The following UTP14A variants were observed in gnomAD, a reference collection of about 807,000 sequenced individuals.
UTP14A encodes the protein U3 small nucleolar RNA-associated protein 14 homolog A.
A neutral mutation model predicts 57.2 loss-of-function variants in UTP14A; 5 were observed. That is an observed-to-expected ratio of 0.09 (90% confidence interval 0.05 to 0.18). The LOEUF (loss-of-function observed/expected upper bound fraction) is 0.18. Among genes scored for constraint, UTP14A ranks in the 10% least tolerant of loss-of-function variants. The probability of loss-of-function intolerance (pLI) is 1.00; values close to 1 mark genes in which losing one functional copy is unlikely to be tolerated. For synonymous variants in UTP14A, 169 were observed against 210.9 expected, an observed-to-expected ratio of 0.80 and a Z score of 1.72; for missense variants, 430 against 562.1, an observed-to-expected ratio of 0.76 and a Z score of 2.38.
chrX:129,911,259 G>A (rs1425007492), intron 5 of UTP14A, 109 bp downstream of exon 5: 20 of 979,498 alleles, frequency 2.0e-5, no homozygotes, highest in Non-Finnish European at 2.6e-5. Context: ...AGGGGGAGTT[G>A]TGATTTCCCC....
intron 6 of UTP14A, among the ~76,000 whole-genome samples, chrX:129,917,503 G>A (rs1475184165): frequency 9.0e-6 from 1 of 111,460 alleles, no homozygotes; most frequent in Non-Finnish European, 1.9e-5. Context: ...GGCATGATCG[G>A]CCTGAATATT....
chrX:129,928,588 A>G (rs769746758), intron 14 of UTP14A, among the ~76,000 whole-genome samples: 165 of 107,420 alleles, frequency 1.5e-3, no homozygotes, highest in African/African-American at 5.2e-3. Flanking sequence ...CCCCGTCTCT[A>G]CTAAAAATAC....
intron 4 of UTP14A, 95 bp from the exon 5 acceptor site, chrX:129,910,913 C>T: frequency 9.4e-7 from 1 of 1,059,723 alleles, no homozygotes; most frequent in Non-Finnish European, 1.3e-6. Flanking sequence ...GCACATTTGC[C>T]ATCTACTGGC....
chrX:129,912,016 C>G, intron 6 of UTP14A, 95 bp downstream of exon 6: 1 of 1,058,392 alleles, frequency 9.4e-7, no homozygotes, highest in African/African-American at 1.9e-5. Flanking sequence ...AAGCTAAACC[C>G]CAGCATAAGT....
intron 8 of UTP14A, 58 bp from the exon 9 acceptor site, chrX:129,920,399 T>G: frequency 2.5e-6 from 3 of 1,209,066 alleles, no homozygotes; most frequent in South Asian, 3.5e-5. Flanking sequence ...TGGGCACTTG[T>G]GCCTATGACA....
At chrX:129,910,533 TAAA>T (rs974255744) in intron 4 of UTP14A, among the ~76,000 whole-genome samples, 5 of 110,647 alleles carry the variant, frequency 4.5e-5, no homozygotes, top group African/African-American at 1.3e-4. Flanking sequence ...AAAAAAAAAT[TAAA>T]AAAATTAACC....
chrX:129,908,179 T>C (rs1929326552), intron 3 of UTP14A, 49 bp downstream of exon 3: 2 of 1,049,038 alleles, frequency 1.9e-6, no homozygotes. Context: ...TTCCGTGAGA[T>C]TTCTCTGCAG....
chrX:129,926,005 G>A lies in UTP14A; in HGVS notation c.1836G>A (p.Lys612=). 1 of 1,211,723 alleles carries A rather than the reference G, an allele frequency of 8.3e-7. No individual in the cohort carries two copies. Among genetic ancestry groups the A allele is most frequent in the Non-Finnish European group, 1.1e-6 (1 of 895,419 alleles). ...DDVIRDFLKE[K]REAVEASKPK... is the part of the protein sequence containing the mutation. ...TCATCAGAGATTTCTTGAAAGAGAA[G>A]AGGGAAGCTGTGGAGGCGAGTAAGC... The change falls in exon 13 of 15, where the codon AAG becomes AAA. Residue 612 remains lysine (K), a synonymous_variant. Transcript: ENST00000394422.
At chrX:129,909,165 C>A (rs1274997226) in intron 4 of UTP14A, among the ~76,000 whole-genome samples, 1 of 107,559 alleles carries the variant, frequency 9.3e-6, no homozygotes, top group Non-Finnish European at 1.9e-5. Context: ...ATTTCTCAAC[C>A]TTTGCTTTTT....
At chrX:129,909,206 C>CTTTTTTTT (rs753147882) in intron 4 of UTP14A, among the ~76,000 whole-genome samples, 7 of 84,433 alleles carry the variant, frequency 8.3e-5, no homozygotes, top group African/African-American at 2.7e-4. Flanking sequence ...CCTTTCAAGC[C>CTTTTTTTT]TTTTTTTTTT....
In UTP14A at chrX:129,921,481, G is replaced by A. The variant is rs144349914; in HGVS notation, c.1242G>A (p.Val414=). The part of the protein sequence containing the change: ...VSESEGEERP[V]AEEEILLREF... ...AAAGTGAGGGAGAAGAAAGACCAGT[G>A]GCAGAAGAAGAAATTTTGTTGAGAG... Residue 414 remains valine, a synonymous_variant, in exon 11 of 15, where the codon GTG becomes GTA. Coordinates refer to ENST00000394422, the MANE Select transcript of UTP14A (RefSeq NM_006649.4). 150 of 1,209,796 alleles carry A rather than the reference G, an allele frequency of 1.2e-4. No homozygotes were observed. The highest frequency in any genetic ancestry group is 7.0e-4 in the Admixed American group (32 of 45,621).
Position 129,907,413 on chromosome X carries a change from G to C in UTP14A, c.73G>C (p.Asp25His). 1 of 1,210,025 alleles carries C rather than the reference G, an allele frequency of 8.3e-7. No homozygotes were observed. Among genetic ancestry groups the C allele is most frequent in the Non-Finnish European group, 1.1e-6 (1 of 895,097 alleles). Residue 25 changes from aspartate to histidine, a missense_variant, in exon 2 of 15, where the codon GAC becomes CAC. Coordinates refer to ENST00000394422, the MANE Select transcript of UTP14A (RefSeq NM_006649.4). ...QQEELADLPK[D>H]YLLSESEDEG... ...GGAAGAACTAGCGGATTTGCCAAAA[G>C]ACTACCTCTTGAGTGAGAGTGAAGA...
In UTP14A at chrX:129,908,706, G is replaced by A; in HGVS notation, c.210G>A (p.Lys70=). The A allele has an allele frequency of 8.3e-7, 1 of 1,211,508 alleles. No homozygotes were observed. The highest frequency in any genetic ancestry group is 1.1e-6 in the Non-Finnish European group (1 of 895,251). ...CTGAGAGGTCTGAGGCTAGTCTGAA[G>A]GTGTCAGAGTTCAATGTCAGTTCTG... ...KLAERSEASL[K]VSEFNVSSEG... is the part of the protein sequence containing the mutation. Residue 70 remains lysine, a synonymous_variant, in exon 4 of 15, where the codon AAG becomes AAA. Transcript: ENST00000394422.
intron 6 of UTP14A, chrX:129,913,285 GAA>G: frequency 3.3e-6 from 1 of 305,730 alleles, no homozygotes; most frequent in Admixed American, 3.9e-5. Context: ...TGTTTTTGCT[GAA>G]GTCACTACCA....
chrX:129,920,508 T>G lies in UTP14A; in HGVS notation c.804T>G (p.Phe268Leu). 4 of 1,212,171 alleles carry G rather than the reference T, an allele frequency of 3.3e-6. No individual in the cohort carries two copies. Among genetic ancestry groups the G allele is most frequent in the Non-Finnish European group, 4.5e-6 (4 of 895,651 alleles). ...AGGCCAAGAAAGCCCTAAAAGAGTT[T>G]GAGCAGCTGCGGAAGGTTAATCCAG... Reference protein sequence around the residue: ...KGKAKKALKEFEQLRKVNPAA... With the variant: ...KGKAKKALKELEQLRKVNPAA... Residue 268 changes from phenylalanine to leucine, a missense_variant, in exon 9 of 15, where the codon TTT becomes TTG. Around this residue, in one of 4 missense-constraint regions of UTP14A, gnomAD observed 83 missense variants for 140.4 expected, o/e 0.59. Coordinates refer to ENST00000394422, the MANE Select transcript of UTP14A (RefSeq NM_006649.4).
chrX:129,909,537 C>T (rs1405241190), intron 4 of UTP14A, among the ~76,000 whole-genome samples: 2 of 111,191 alleles, frequency 1.8e-5, no homozygotes, highest in African/African-American at 6.5e-5. Context: ...CATTGTATCC[C>T]TCCCCCTGTG....
chrX:129,919,275 G>A lies in UTP14A; in HGVS notation c.638G>A (p.Arg213Gln), dbSNP rs370007411. ...ACCCCTGTGGAAAAGGCCTCTCTCCGAGCCATGAGCCTAGAAGAGGTAAGT... is the reference window on the plus strand; with the variant it reads ...ACCCCTGTGGAAAAGGCCTCTCTCCAAGCCATGAGCCTAGAAGAGGTAAGT... The part of the protein sequence containing the change: ...LLTPVEKASL[R>Q]AMSLEEAKMR... Residue 213 changes from arginine to glutamine, a missense_variant, in exon 7 of 15, where the codon CGA becomes CAA. Physicochemically the swap from Arg to Gln is conservative, Grantham distance 43 (BLOSUM62 1). This residue lies in a region of UTP14A where 145 missense variants were observed against 153.5 expected (regional missense o/e 0.94). Transcript: ENST00000394422. 71 of 1,209,716 alleles carry A rather than the reference G, an allele frequency of 5.9e-5. No homozygotes were observed. Among genetic ancestry groups the A allele is most frequent in the Middle Eastern group, 2.3e-4 (1 of 4,375 alleles).
chrX:129,911,875 A>T lies in UTP14A; in HGVS notation c.491A>T (p.Glu164Val), dbSNP rs944025745. The change falls in exon 6 of 15, where the codon GAG (glutamate) becomes GTG (valine). Residue 164 changes from glutamate to valine, a missense_variant. Coordinates refer to ENST00000394422, the MANE Select transcript of UTP14A (RefSeq NM_006649.4). ...AEQLVFPLEK[E>V]EPAIAPIEHV... is the part of the protein sequence containing the mutation. Reference sequence around the variant, plus strand: ...CAGCTGGTTTTTCCCCTGGAGAAAGAGGAGCCAGCCATTGCTCCCATTGAA... The same window carrying T: ...CAGCTGGTTTTTCCCCTGGAGAAAGTGGAGCCAGCCATTGCTCCCATTGAA... The T allele has an allele frequency of 8.3e-7, 1 of 1,211,699 alleles. No homozygotes were observed.
Position 129,908,064 on chromosome X carries a change from A to G in UTP14A, c.107A>G (p.Asp36Gly), listed in dbSNP as rs1225079299. Residue 36 changes from aspartate to glycine, a missense_variant, in exon 3 of 15, where the codon GAC (aspartate) becomes GGC (glycine). By Grantham distance (94) the Asp-to-Gly change is moderately conservative. Around this residue, in one of 4 missense-constraint regions of UTP14A, gnomAD observed 145 missense variants for 153.5 expected, o/e 0.94. Transcript: ENST00000394422. Reference protein sequence around the residue: ...YLLSESEDEGDNDGERKHQKL... With the variant: ...YLLSESEDEGGNDGERKHQKL... The stretch of plus-strand genomic sequence containing the variant: ...TTTTCCTTTTCTGTGTCTTAGGGGG[A>G]CAATGATGGAGAGAGAAAGCATCAA... 6 of 1,203,477 alleles carry G rather than the reference A, an allele frequency of 5.0e-6. No individual in the cohort carries two copies. The highest frequency in any genetic ancestry group is 1.8e-5 in the African/African-American group (1 of 56,566).
Sources: allele counts gnomAD v4.1 joint callset (sites outside exome capture counted in the v4.1 genomes callset), GRCh38; gene constraint gnomAD v4.1.1; regional missense constraint gnomAD v4.1.1; transcripts MANE v1.5; gene names NCBI Gene and HGNC (gene_info 2026-07-23, HGNC 2026-07-21).